The following ATL1 variants were observed in gnomAD, a reference collection of about 807,000 sequenced individuals.
The protein encoded by ATL1 is atlastin GTPase 1, also known as atlastin-1.
Under a neutral mutation model 75.5 loss-of-function variants are expected in ATL1, and 31 were observed. The ratio of observed to expected loss-of-function variants is 0.41; its 90% CI spans 0.31 to 0.55. ATL1 has a LOEUF of 0.55. ATL1 is among the 20% of genes least tolerant of loss of function. The probability of loss-of-function intolerance (pLI) is 0.27; values close to 1 mark genes in which losing one functional copy is unlikely to be tolerated. For synonymous variants in ATL1, 226 were observed against 233.3 expected (o/e 0.97, Z 0.28); for missense variants, 405 against 662.6 (o/e 0.61, Z 4.27).
intron 1 of ATL1, chr14:50,560,555 C>T (rs537922816): frequency 4.5e-5 from 24 of 533,726 alleles, no homozygotes; most frequent in Non-Finnish European, 5.4e-5. Flanking sequence ...TCCCCACCCC[C>T]CTCCCGCCTC....
At position 50,632,277 on chromosome 14, in the gene ATL1, C is replaced by T; in HGVS notation, c.1615C>T (p.His539Tyr). ...AGCAGCAACCCACAGACATCTGTATCATCAAGCTTTCCCTACACCAAAGTC... is the reference window on the plus strand; with the variant it reads ...AGCAGCAACCCACAGACATCTGTATTATCAAGCTTTCCCTACACCAAAGTC... ...SAAATHRHLY[H>Y]QAFPTPKSES... Residue 539 changes from histidine to tyrosine, a missense_variant, in exon 14 of 14, where the codon CAT (histidine) becomes TAT (tyrosine). Transcript: ENST00000358385. 1 of 1,612,926 alleles carries T rather than the reference C, an allele frequency of 6.2e-7. No individual in the cohort carries two copies. Among genetic ancestry groups the T allele is most frequent in the Non-Finnish European group, 8.5e-7 (1 of 1,179,428 alleles).
upstream of ATL1, among the ~76,000 whole-genome samples, chr14:50,557,167 T>G (rs977344036): frequency 1.3e-5 from 2 of 152,220 alleles, no homozygotes; most frequent in African/African-American, 4.8e-5. Flanking sequence ...TCTTTTTGAT[T>G]ATAGTCATCA....
At chr14:50,597,489 G>T (rs959651810) in intron 6 of ATL1, among the ~76,000 whole-genome samples, 1 of 151,960 alleles carries the variant, frequency 6.6e-6, no homozygotes. Context: ...ATTTACTACC[G>T]GAGAGGAGAA....
chr14:50,592,946 A>ATATGTGTG (rs71441294), intron 4 of ATL1, among the ~76,000 whole-genome samples: 4 of 132,524 alleles, frequency 3.0e-5, no homozygotes, highest in African/African-American at 1.2e-4. Flanking sequence ...ATATATATAT[A>ATATGTGTG]TGTGTGTGTG....
chr14:50,544,936 C>CAA (rs35420627), intron 1 of ATL1, among the ~76,000 whole-genome samples: 20 of 58,466 alleles, frequency 3.4e-4, no homozygotes, highest in African/African-American at 3.8e-4. Flanking sequence ...GACCCACTCT[C>CAA]AAAAAAAAAA....
At chr14:50,565,586 C>T (rs1265694059) in intron 1 of ATL1, among the ~76,000 whole-genome samples, 4 of 151,648 alleles carry the variant, frequency 2.6e-5, no homozygotes, top group Non-Finnish European at 4.4e-5. Context: ...TTTAAGTTGC[C>T]TTCCCTGCAT....
chr14:50,543,078 A>G (rs987805489), intron 1 of ATL1, among the ~76,000 whole-genome samples: 1 of 152,264 alleles, frequency 6.6e-6, no homozygotes, highest in Non-Finnish European at 1.5e-5. Flanking sequence ...CCATCTCGAT[A>G]GTTATACAAG....
At chr14:50,594,857 G>C (rs534945000) in intron 5 of ATL1, among the ~76,000 whole-genome samples, 10 of 152,074 alleles carry the variant, frequency 6.6e-5, no homozygotes, top group Non-Finnish European at 1.2e-4. Flanking sequence ...TAGCCAGGCA[G>C]GCGTGGTGGC....
At chr14:50,625,886 G>C (rs1197706957) in intron 11 of ATL1, among the ~76,000 whole-genome samples, 2 of 146,380 alleles carry the variant, frequency 1.4e-5, no homozygotes, top group Admixed American at 7.1e-5. Context: ...CTGGGTGACA[G>C]AGTGAGACCC....
chr14:50,599,587 T>A (rs529939217), intron 6 of ATL1, among the ~76,000 whole-genome samples: 1 of 152,008 alleles, frequency 6.6e-6, no homozygotes, highest in South Asian at 2.1e-4. Flanking sequence ...GCAGAACAGA[T>A]ACATAAAAAT....
chr14:50,556,100 CT>C (rs1458817939), upstream of ATL1, among the ~76,000 whole-genome samples: 15 of 152,086 alleles, frequency 9.9e-5, no homozygotes, highest in African/African-American at 3.6e-4. Flanking sequence ...GGAGTAATAC[CT>C]TTTCTTCTTT....
At chr14:50,626,794 G>C (rs1054933769) in intron 11 of ATL1, among the ~76,000 whole-genome samples, 1 of 152,138 alleles carries the variant, frequency 6.6e-6, no homozygotes, top group Non-Finnish European at 1.5e-5. Flanking sequence ...GAAATGTACA[G>C]TAGATTATTG....
At chr14:50,538,947 G>C (rs1008189239) in intron 1 of ATL1, among the ~76,000 whole-genome samples, 2 of 152,194 alleles carry the variant, frequency 1.3e-5, no homozygotes, top group Admixed American at 1.3e-4. Context: ...AGCCTCCCAA[G>C]TAGCTGGGAC....
intron 13 of ATL1, 32 bp downstream of exon 13, chr14:50,630,041 G>A (rs2140241002): frequency 2.6e-6 from 4 of 1,522,840 alleles, no homozygotes; most frequent in Non-Finnish European, 3.6e-6. Context: ...TCAGAGCTAT[G>A]TATGTGTAAA....
In ATL1 at chr14:50,632,254, C is replaced by T. The variant is rs1268041784; in HGVS notation, c.1592C>T (p.Ala531Val). ...NEALYKLYSAAATHRHLYHQA... is the reference protein window; with the variant it reads ...NEALYKLYSAVATHRHLYHQA... ...GCTTTGTACAAGCTTTACAGTGCAG[C>T]AGCAACCCACAGACATCTGTATCAT... The change falls in exon 14 of 14, where the codon GCA (alanine) becomes GTA (valine). Residue 531 changes from alanine to valine, a missense_variant. Ala to Val is a moderately conservative substitution (Grantham distance 64). Around this residue, in one of 5 missense-constraint regions of ATL1, gnomAD observed 163 missense variants for 244.1 expected, o/e 0.67. Coordinates refer to ENST00000358385, the MANE Select transcript of ATL1 (RefSeq NM_015915.5). 1 of 1,612,814 alleles carries T rather than the reference C, an allele frequency of 6.2e-7. No homozygotes were observed. The highest frequency in any genetic ancestry group is 8.5e-7 in the Non-Finnish European group (1 of 1,179,320).
At chr14:50,622,824 T>G (rs2140234464) in intron 10 of ATL1, among the ~76,000 whole-genome samples, 1 of 152,346 alleles carries the variant, frequency 6.6e-6, no homozygotes, top group South Asian at 2.1e-4. Flanking sequence ...TATGTGTGTA[T>G]TTTAGTATTT....
intron 4 of ATL1, among the ~76,000 whole-genome samples, chr14:50,593,459 T>C (rs1280647238): frequency 6.6e-6 from 1 of 152,178 alleles, no homozygotes; most frequent in Non-Finnish European, 1.5e-5. Flanking sequence ...AATAAAATGA[T>C]TAATTGTGAA....
chr14:50,592,929 A>AAAAAAAT (rs562590227), intron 4 of ATL1, among the ~76,000 whole-genome samples: 1 of 113,878 alleles, frequency 8.8e-6, no homozygotes, highest in African/African-American at 3.5e-5. Context: ...AAAAAAAAAA[A>AAAAAAAT]ATATATATAT....
At chr14:50,629,640 C>A (rs984128436) in intron 12 of ATL1, among the ~76,000 whole-genome samples, 1 of 151,394 alleles carries the variant, frequency 6.6e-6, no homozygotes, top group African/African-American at 2.4e-5. Flanking sequence ...TGTAACGTGC[C>A]TTTGAAGGAT....
Sources: allele counts gnomAD v4.1 joint callset (sites outside exome capture counted in the v4.1 genomes callset), GRCh38; gene constraint gnomAD v4.1.1; regional missense constraint gnomAD v4.1.1; transcripts MANE v1.5; gene names NCBI Gene and HGNC (gene_info 2026-07-23, HGNC 2026-07-21).